The following PLCB3 variants were observed in gnomAD, a reference collection of about 807,000 sequenced individuals.
The protein encoded by PLCB3 is phospholipase C beta 3.
Under a neutral mutation model 152.1 loss-of-function variants are expected in PLCB3, and 54 were observed. The ratio of observed to expected loss-of-function variants is 0.36; its 90% CI spans 0.29 to 0.45. The LOEUF (loss-of-function observed/expected upper bound fraction) is 0.45, where lower values mean the gene tolerates loss of function less well. Among genes scored for constraint, PLCB3 ranks in the 20% least tolerant of loss-of-function variants. The pLI is 1.00. For synonymous variants in PLCB3, 717 were observed against 698.7 expected, an observed-to-expected ratio of 1.03 and a Z score of -0.41; for missense variants, 1,248 against 1,687.5, an observed-to-expected ratio of 0.74 and a Z score of 4.56.
intron 14 of PLCB3, 109 bp from the exon 15 acceptor site, chr11:64,261,291 G>A (rs915685841): frequency 1.2e-5 from 10 of 807,484 alleles, no homozygotes; most frequent in Non-Finnish European, 2.2e-5. Context: ...CACCAGCAGT[G>A]TGTATATAGT....
At chr11:64,257,811 T>C (rs1000517983) in intron 10 of PLCB3, among the ~76,000 whole-genome samples, 6 of 151,862 alleles carry the variant, frequency 4.0e-5, no homozygotes, top group Non-Finnish European at 8.8e-5. Context: ...AGAGGTGATG[T>C]GACCTGATAT....
At chr11:64,269,126 G>C (rs2032297932), downstream of PLCB3, 1 of 152,386 alleles carries the variant, frequency 6.6e-6, no homozygotes, top group African/African-American at 2.4e-5. Context: ...TCTAACTTCT[G>C]GGTGTGACAT....
rs753636079 is a variant in PLCB3, at chr11:64,255,369, G to T, written c.468-27G>T. On this transcript the variant is annotated intron_variant, in intron 5 of 30. Transcript: ENST00000279230. This position sits in a 1 kb window ranked among gnomAD's most constrained non-coding sequence, Gnocchi z 6.8. Reference sequence around the variant, plus strand: ...GGGGGTTCACGTGGCCGTTTTCAGGGTGTGACCTCTTCATCTGCCTTCCCA... The same window carrying T: ...GGGGGTTCACGTGGCCGTTTTCAGGTTGTGACCTCTTCATCTGCCTTCCCA... 1.9e-6 allele frequency: 3 copies of T among 1,613,904 alleles called. No individual in the cohort carries two copies. The highest frequency in any genetic ancestry group is 8.5e-7 in the Non-Finnish European group (1 of 1,179,960).
chr11:64,265,459 C>A lies in PLCB3; in HGVS notation c.2992C>A (p.Gln998Lys), dbSNP rs751408753. ...LTRRLLDGLA[Q>K]AQAEGRCRLR... is the part of the protein sequence containing the mutation. ...CCGCCGCCTGCTGGATGGCCTGGCT[C>A]AGGCACAGGCTGAGGGCAGGTGCCG... The change falls in exon 25 of 31, where the codon CAG (glutamine) becomes AAG (lysine). Residue 998 changes from glutamine to lysine, a missense_variant. Around this residue, in one of 6 missense-constraint regions of PLCB3, gnomAD observed 477 missense variants for 489.6 expected, o/e 0.97. Transcript: ENST00000279230. 9.3e-6 allele frequency: 15 copies of A among 1,608,816 alleles called. No individual in the cohort carries two copies. The South Asian group carries it at 1.2e-4, about 13-fold the overall frequency.
intron 1 of PLCB3, among the ~76,000 whole-genome samples, chr11:64,252,693 G>T (rs1565328112): frequency 1.3e-5 from 2 of 152,132 alleles, no homozygotes; most frequent in Non-Finnish European, 2.9e-5. Flanking sequence ...GTGCCTGGGG[G>T]CCCCAGGGGC....
intron 23 of PLCB3, 34 bp from the exon 24 acceptor site, chr11:64,265,158 T>C (rs774167385): frequency 6.4e-7 from 1 of 1,572,056 alleles, no homozygotes; most frequent in South Asian, 1.2e-5. Flanking sequence ...CCCCACCCTG[T>C]CCTCCAGCTC....
chr11:64,265,257 G>C, intron 24 of PLCB3, 30 bp downstream of exon 24: 1 of 1,589,662 alleles, frequency 6.3e-7, no homozygotes, highest in Non-Finnish European at 8.6e-7. Context: ...GAGGCAGGGG[G>C]CTGCCTTGCA....
At position 64,261,952 on chromosome 11, in the gene PLCB3, A is replaced by G. The variant is rs2031875202; in HGVS notation, c.1914A>G (p.Glu638=). Residue 638 remains glutamate (E), a splice_region_variant and synonymous_variant, in exon 17 of 31, where the codon GAA becomes GAG. Coordinates refer to ENST00000279230, the MANE Select transcript of PLCB3 (RefSeq NM_000932.5). ...TGTGGCCCCTGACCACCAATCTCAG[A>G]TACAACAAGCAGCAGCTCAGCCGCA... The part of the protein sequence containing the change: ...QLTKSPMEFV[E]YNKQQLSRIY... The G allele has an allele frequency of 5.6e-6, 9 of 1,613,992 alleles. No homozygotes were observed. The highest frequency in any genetic ancestry group is 1.3e-5 in the African/African-American group (1 of 74,924).
chr11:64,254,554 T>C, intron 2 of PLCB3, 62 bp downstream of exon 2: 1 of 1,518,018 alleles, frequency 6.6e-7, no homozygotes, highest in Non-Finnish European at 9.1e-7. Context: ...ACCCCTGCCC[T>C]GCCCGTGGGG....
rs544940746 is a variant in PLCB3, at chr11:64,262,895, A to G, written c.2355+87A>G. The G allele has an allele frequency of 1.2e-5, 17 of 1,400,072 alleles. No individual in the cohort carries two copies. In the East Asian group the frequency reaches 3.7e-4, roughly 30 times the overall value. 86.7% of individuals were successfully genotyped at this position (1,400,072 alleles called of 1,614,324 possible). A position where few individuals can be genotyped will look rare whatever the true frequency, so the allele number is the denominator to read the frequency against. The stretch of plus-strand genomic sequence containing the variant: ...TCAGGTGGGAGAACAGGAACCAGGC[A>G]CACCGTTGGCGACTGGGGATCAGAA... On this transcript the variant is annotated intron_variant, in intron 19 of 30. Transcript: ENST00000279230.
chr11:64,267,744 T>TA lies in PLCB3; in HGVS notation c.*189dup. ...GGCCCCTCCTTCCTGCCCTCAGTCT[T>TA]AGGTTAGGGCCTTGGTCAGGGCTTT... On this transcript the variant is annotated 3_prime_UTR_variant, in exon 31 of 31. Coordinates refer to ENST00000279230, the MANE Select transcript of PLCB3 (RefSeq NM_000932.5). The surrounding 1 kb of genome is among the most constrained non-coding windows in gnomAD (Gnocchi z 5.2). 1 of 585,528 alleles carries TA rather than the reference T, an allele frequency of 1.7e-6. No individual in the cohort carries two copies. Among genetic ancestry groups the TA allele is most frequent in the Non-Finnish European group, 3.0e-6 (1 of 335,252 alleles). 36.3% of individuals were successfully genotyped at this position (585,528 alleles called of 1,614,324 possible).
rs2031677259 is a variant in PLCB3, at chr11:64,258,781, C to T, written c.1253+68C>T. 1 of 1,605,650 alleles carries T rather than the reference C, an allele frequency of 6.2e-7. No homozygotes were observed. The highest frequency in any genetic ancestry group is 8.5e-7 in the Non-Finnish European group (1 of 1,173,416). On this transcript the variant is annotated intron_variant, in intron 11 of 30. Transcript: ENST00000279230. This position sits in a 1 kb window ranked among gnomAD's most constrained non-coding sequence, Gnocchi z 7.2. Reference sequence around the variant, plus strand: ...GTCTTCCAGCTTCAGTGCTGTTGGACTGCTCAGGGACCTCCAACCCTGCGA... The same window carrying T: ...GTCTTCCAGCTTCAGTGCTGTTGGATTGCTCAGGGACCTCCAACCCTGCGA...
intron 13 of PLCB3, among the ~76,000 whole-genome samples, 192 bp downstream of exon 13, chr11:64,259,436 G>A (rs990525029): frequency 6.6e-5 from 10 of 152,046 alleles, no homozygotes; most frequent in Admixed American, 1.3e-4. Context: ...TCAGGTGCAC[G>A]TCTCACCCAG....
In PLCB3 at chr11:64,263,675, C is replaced by G. The variant is rs1213390063; in HGVS notation, c.2456-16C>G. 1.2e-6 allele frequency: 2 copies of G among 1,611,556 alleles called. No homozygotes were observed. The highest frequency in any genetic ancestry group is 2.7e-5 in the African/African-American group (2 of 74,892). On this transcript the variant is annotated splice_polypyrimidine_tract_variant and intron_variant, in intron 20 of 30. Transcript: ENST00000279230. ...ACCTGGCCCAGCAACCCAACGTTGC[C>G]TTCCTGACCACCCAGGATACCACTA...
Position 64,255,807 on chromosome 11 carries a change from G to A in PLCB3, c.684G>A (p.Lys228=), listed in dbSNP as rs749004994. ...NKLCLRPDID[K]ILLEIGAKGK... ...TGTGTCTGCGGCCGGACATTGACAAGATCCTGCTGGAGATGTGAGTGGGCC... is the reference window on the plus strand; with the variant it reads ...TGTGTCTGCGGCCGGACATTGACAAAATCCTGCTGGAGATGTGAGTGGGCC... The change falls in exon 8 of 31, where the codon AAG becomes AAA. Residue 228 remains lysine, a synonymous_variant. Transcript: ENST00000279230. This position sits in a 1 kb window ranked among gnomAD's most constrained non-coding sequence, Gnocchi z 6.8. 1 of 1,613,128 alleles carries A rather than the reference G, an allele frequency of 6.2e-7. No homozygotes were observed. Among genetic ancestry groups the A allele is most frequent in the South Asian group, 1.1e-5 (1 of 91,068 alleles).
chr11:64,262,647 G>A lies in PLCB3; in HGVS notation c.2194G>A (p.Val732Met), dbSNP rs370898239. 20 of 1,613,796 alleles carry A rather than the reference G, an allele frequency of 1.2e-5. No homozygotes were observed. Among genetic ancestry groups the A allele is most frequent in the East Asian group, 2.2e-5 (1 of 44,880 alleles). ...CTCACCCTCCTTGGCCCACCCCCAGGTGATCTCAGGGCAGTTCCTGTCCGA... is the reference window on the plus strand; with the variant it reads ...CTCACCCTCCTTGGCCCACCCCCAGATGATCTCAGGGCAGTTCCTGTCCGA... Reference protein sequence around the residue: ...GIVANALRVKVISGQFLSDRK... With the variant: ...GIVANALRVKMISGQFLSDRK... The change falls in exon 19 of 31, where the codon GTG (valine) becomes ATG (methionine). Residue 732 changes from valine (V) to methionine (M), a missense_variant and splice_region_variant. Physicochemically the swap from Val to Met is conservative, Grantham distance 21. Around this residue, in one of 6 missense-constraint regions of PLCB3, gnomAD observed 244 missense variants for 424.4 expected, o/e 0.57. Transcript: ENST00000279230.
downstream of PLCB3, among the ~76,000 whole-genome samples, chr11:64,269,431 C>G (rs564995162): frequency 6.6e-6 from 1 of 152,258 alleles, no homozygotes; most frequent in African/African-American, 2.4e-5. Context: ...CGCATGAAGC[C>G]TCAGTTTCCA....
intron 3 of PLCB3, 28 bp from the exon 4 acceptor site, chr11:64,254,870 T>A: frequency 6.2e-7 from 1 of 1,613,098 alleles, no homozygotes; most frequent in Non-Finnish European, 8.5e-7. Flanking sequence ...GGGAGCCCCC[T>A]CTTCACCCTT....
chr11:64,265,024 C>A lies in PLCB3; in HGVS notation c.2726C>A (p.Thr909Asn). 1.3e-6 allele frequency: 2 copies of A among 1,593,138 alleles called. No individual in the cohort carries two copies. The highest frequency in any genetic ancestry group is 8.6e-7 in the Non-Finnish European group (1 of 1,167,676). ...GGGTCTCAGCCGTCCTCAAACCCCA[C>A]CCCCAGCCCACTGGATGCCTCCCCC... ...QLGSQPSSNPTPSPLDASPRR... is the reference protein window; with the variant it reads ...QLGSQPSSNPNPSPLDASPRR... Residue 909 changes from threonine (T) to asparagine (N), a missense_variant, in exon 23 of 31, where the codon ACC becomes AAC. Around this residue, in one of 6 missense-constraint regions of PLCB3, gnomAD observed 477 missense variants for 489.6 expected, o/e 0.97. Coordinates refer to ENST00000279230, the MANE Select transcript of PLCB3 (RefSeq NM_000932.5).
Sources: gnomAD v4.1 joint callset for allele counts (sites outside exome capture counted in the v4.1 genomes callset) on GRCh38, gnomAD v4.1.1 for gene constraint, gnomAD v4.1.1 regional missense constraint, Gnocchi (gnomAD v3.1) non-coding constraint, MANE v1.5 for transcripts, NCBI Gene and HGNC (gene_info 2026-07-23, HGNC 2026-07-21) for gene names.